The following FHOD3 variants were observed in gnomAD, a reference collection of about 807,000 sequenced individuals.
The protein encoded by FHOD3 is FH1/FH2 domain-containing protein 3.
FHOD3 carries 90 observed loss-of-function variants against 173.0 expected under a neutral mutation model. That is an observed-to-expected ratio of 0.52 (90% CI 0.44 to 0.62). FHOD3 has a LOEUF of 0.62. Among genes scored for constraint, FHOD3 ranks in the 20% least tolerant of loss-of-function variants. The pLI is 0.00. For synonymous variants in FHOD3, 828 were observed against 823.0 expected, an observed-to-expected ratio of 1.01 and a Z score of -0.10; for missense variants, 1,945 against 2,034.7, an observed-to-expected ratio of 0.96 and a Z score of 0.85.
chr18:36,745,385 G>T (rs964530741), intron 23 of FHOD3, among the ~76,000 whole-genome samples: 1 of 152,162 alleles, frequency 6.6e-6, no homozygotes, highest in Non-Finnish European at 1.5e-5. Context: ...GAATCCCAGG[G>T]CTTTGCCTAA....
chr18:36,410,003 C>T (rs964868984), intron 3 of FHOD3, among the ~76,000 whole-genome samples: 1 of 152,228 alleles, frequency 6.6e-6, no homozygotes, highest in African/African-American at 2.4e-5. Flanking sequence ...AGTAGAAGGG[C>T]TTTACAAGCT....
At chr18:36,752,635 A>G (rs990933261) in intron 24 of FHOD3, among the ~76,000 whole-genome samples, 4 of 152,308 alleles carry the variant, frequency 2.6e-5, no homozygotes, top group South Asian at 4.1e-4. Context: ...TTTCAAATGT[A>G]TATCTGGATC....
At chr18:36,306,626 C>A (rs940995882) in intron 1 of FHOD3, among the ~76,000 whole-genome samples, 2 of 152,336 alleles carry the variant, frequency 1.3e-5, no homozygotes, top group African/African-American at 4.8e-5. Context: ...CCATTCAGGG[C>A]AAACTCCAAA....
At chr18:36,754,717 T>G (rs915121392) in intron 24 of FHOD3, among the ~76,000 whole-genome samples, 1 of 151,876 alleles carries the variant, frequency 6.6e-6, no homozygotes, top group Non-Finnish European at 1.5e-5. Context: ...CTAGAAATGG[T>G]GCAATACTTT....
At chr18:36,707,277 G>C (rs751503500) in intron 17 of FHOD3, among the ~76,000 whole-genome samples, 15 of 152,280 alleles carry the variant, frequency 9.9e-5, no homozygotes, top group African/African-American at 3.6e-4. Flanking sequence ...AGCTGCAGGG[G>C]GGTCTTTGCT....
At chr18:36,653,746 C>T (rs182983262) in intron 13 of FHOD3, among the ~76,000 whole-genome samples, 2 of 152,282 alleles carry the variant, frequency 1.3e-5, no homozygotes, top group African/African-American at 2.4e-5. Context: ...ATATTTTGAA[C>T]AATCAGTCGT....
chr18:36,650,250 G>A (rs2035960907), intron 11 of FHOD3, among the ~76,000 whole-genome samples: 1 of 151,600 alleles, frequency 6.6e-6, no homozygotes, highest in Non-Finnish European at 1.5e-5. Flanking sequence ...AATGGATCTT[G>A]GATGAATCCA....
Position 36,744,070 on chromosome 18 carries a change from A to G in FHOD3, c.3918A>G (p.Pro1306=), listed in dbSNP as rs772908150. ...AFELSYLEKV[P]EVKDTVHKQS... is the part of the protein sequence containing the mutation. ...AGTTAAGCTACCTCGAGAAGGTTCC[A>G]GAAGTCAAAGACACAGTGCACAAGC... is the stretch of plus-strand genomic sequence containing the variant. The change falls in exon 23 of 29, where the codon CCA becomes CCG. Residue 1306 remains proline, a synonymous_variant. Transcript: ENST00000590592. 1.1e-5 allele frequency: 17 copies of G among 1,614,238 alleles called. No individual in the cohort carries two copies. Among genetic ancestry groups the G allele is most frequent in the Non-Finnish European group, 1.3e-5 (15 of 1,180,046 alleles).
In FHOD3 at chr18:36,730,815, C is replaced by T. The variant is rs748116838; in HGVS notation, c.3576+11C>T. On this transcript the variant is annotated intron_variant, in intron 20 of 28. Coordinates refer to ENST00000590592, the MANE Select transcript of FHOD3 (RefSeq NM_001281740.3). The stretch of plus-strand genomic sequence containing the variant: ...AAAGAAGGAATCGAGGTGAGGGAAG[C>T]TCTATTAAGCATTATTTGTATTTTA... 2.5e-6 allele frequency: 4 copies of T among 1,612,036 alleles called. No homozygotes were observed. The highest frequency in any genetic ancestry group is 1.7e-4 in the Middle Eastern group (1 of 6,048).
At chr18:36,631,932 A>G (rs1437326170) in intron 10 of FHOD3, among the ~76,000 whole-genome samples, 1 of 152,224 alleles carries the variant, frequency 6.6e-6, no homozygotes, top group Non-Finnish European at 1.5e-5. Flanking sequence ...TTAAAAAATT[A>G]TTGCTAATGT....
intron 27 of FHOD3, among the ~76,000 whole-genome samples, chr18:36,767,512 G>T (rs1328811057): frequency 6.6e-6 from 1 of 152,068 alleles, no homozygotes; most frequent in Admixed American, 6.6e-5. Context: ...TAGAGATGGG[G>T]TTTCACTGTG....
intron 3 of FHOD3, among the ~76,000 whole-genome samples, chr18:36,401,266 C>T (rs1467564779): frequency 6.6e-6 from 1 of 152,140 alleles, no homozygotes; most frequent in Non-Finnish European, 1.5e-5. Flanking sequence ...GCTTGTTAAC[C>T]ACTTTCCCCT....
intron 5 of FHOD3, among the ~76,000 whole-genome samples, chr18:36,560,671 A>G (rs1252793612): frequency 1.3e-5 from 2 of 152,162 alleles, no homozygotes; most frequent in African/African-American, 4.8e-5. Context: ...GTCTTTAGAA[A>G]AGCTAAGAGA....
chr18:36,349,719 C>T (rs558775398), intron 1 of FHOD3, among the ~76,000 whole-genome samples: 18 of 152,270 alleles, frequency 1.2e-4, no homozygotes, highest in African/African-American at 3.9e-4. Context: ...TAAATCGAGA[C>T]GTGACATCAG....
At chr18:36,610,455 G>A (rs2032558497) in intron 8 of FHOD3, among the ~76,000 whole-genome samples, 1 of 152,232 alleles carries the variant, frequency 6.6e-6, no homozygotes. Flanking sequence ...ACTGGTGTGT[G>A]CTGTCATACG....
At chr18:36,440,559 C>T (rs370115193) in intron 3 of FHOD3, among the ~76,000 whole-genome samples, 1 of 152,252 alleles carries the variant, frequency 6.6e-6, no homozygotes, top group East Asian at 1.9e-4. Context: ...CATATTCTGC[C>T]ACCTGTGCCT....
intron 19 of FHOD3, among the ~76,000 whole-genome samples, chr18:36,725,833 T>C (rs551850786): frequency 1.3e-5 from 2 of 152,368 alleles, no homozygotes; most frequent in East Asian, 3.9e-4. Context: ...CTTAGTGTCT[T>C]TGTTAGAATG....
intron 1 of FHOD3, among the ~76,000 whole-genome samples, chr18:36,336,632 T>A (rs1451593732): frequency 3.3e-5 from 5 of 150,190 alleles, no homozygotes; most frequent in African/African-American, 4.9e-5. Context: ...AGATCAGGAG[T>A]TCGAGGCCAG....
At chr18:36,728,832 T>G (rs2041205872) in intron 19 of FHOD3, among the ~76,000 whole-genome samples, 1 of 152,134 alleles carries the variant, frequency 6.6e-6, no homozygotes, top group South Asian at 2.1e-4. Flanking sequence ...GAGGCCTCAG[T>G]GCAGGAGATC....
Sources: allele counts gnomAD v4.1 joint callset (sites outside exome capture counted in the v4.1 genomes callset), GRCh38; gene constraint gnomAD v4.1.1; transcripts MANE v1.5; gene names NCBI Gene and HGNC (gene_info 2026-07-23, HGNC 2026-07-21).